The following PPP1R9A variants were observed in gnomAD, a reference collection of about 807,000 sequenced individuals.
The protein encoded by PPP1R9A is protein phosphatase 1 regulatory subunit 9A.
PPP1R9A carries 59 observed loss-of-function variants against 141.9 expected under a neutral mutation model. That is an observed-to-expected ratio of 0.42 (90% CI 0.34 to 0.52). The LOEUF (loss-of-function observed/expected upper bound fraction) is 0.52, where lower values mean the gene tolerates loss of function less well. PPP1R9A is among the 20% of genes least tolerant of loss of function. The probability of loss-of-function intolerance (pLI) is 0.10; values close to 1 mark genes in which losing one functional copy is unlikely to be tolerated. For missense variants in PPP1R9A, 1,444 were observed against 1,611.9 expected (o/e 0.90, Z 1.78); for synonymous variants, 500 against 569.7 (o/e 0.88, Z 1.74).
intron 2 of PPP1R9A, among the ~76,000 whole-genome samples, chr7:94,988,594 A>G (rs1385105066): frequency 6.6e-6 from 1 of 152,068 alleles, no homozygotes; most frequent in East Asian, 1.9e-4. Flanking sequence ...TTATGTAGGT[A>G]TTTACTTCTG....
chr7:94,982,749 C>T (rs543619349), intron 2 of PPP1R9A, among the ~76,000 whole-genome samples: 1 of 152,062 alleles, frequency 6.6e-6, no homozygotes, highest in Non-Finnish European at 1.5e-5. Flanking sequence ...GAGTAGATTG[C>T]AAAAATTTTC....
intron 18 of PPP1R9A, chr7:95,287,049 G>A: frequency 6.6e-7 from 1 of 1,519,494 alleles, no homozygotes; most frequent in Admixed American, 1.7e-5. Context: ...TACTATATAT[G>A]TTGTGTCTCC....
intron 2 of PPP1R9A, among the ~76,000 whole-genome samples, chr7:94,948,980 C>G (rs1796177643): frequency 6.6e-6 from 1 of 152,124 alleles, no homozygotes; most frequent in Non-Finnish European, 1.5e-5. Context: ...ACATTCTGGT[C>G]CAAGCATGGC....
intron 2 of PPP1R9A, among the ~76,000 whole-genome samples, chr7:95,087,081 A>G (rs1372071007): frequency 6.7e-6 from 1 of 150,066 alleles, no homozygotes. Flanking sequence ...GAGAAAGCCA[A>G]AAGCATAAGG....
At chr7:95,060,776 G>A (rs1339215685) in intron 2 of PPP1R9A, among the ~76,000 whole-genome samples, 1 of 152,120 alleles carries the variant, frequency 6.6e-6, no homozygotes, top group African/African-American at 2.4e-5. Flanking sequence ...TTGGCTATAG[G>A]GATTTATATT....
intron 2 of PPP1R9A, among the ~76,000 whole-genome samples, chr7:94,919,301 ATTTTTTTTTTTT>A (rs757456894): frequency 9.4e-6 from 1 of 106,200 alleles, no homozygotes; most frequent in Non-Finnish European, 1.9e-5. Flanking sequence ...GGATAATTAC[ATTTTTTTTTTTT>A]TTTTTTTTTT....
intron 2 of PPP1R9A, among the ~76,000 whole-genome samples, chr7:94,950,724 A>G (rs952696898): frequency 6.6e-6 from 1 of 152,056 alleles, no homozygotes; most frequent in East Asian, 1.9e-4. Flanking sequence ...CTTTTTGTCC[A>G]TGAATTAAAA....
intron 4 of PPP1R9A, among the ~76,000 whole-genome samples, chr7:95,123,824 T>A (rs1823064590): frequency 6.6e-6 from 1 of 152,232 alleles, no homozygotes; most frequent in Non-Finnish European, 1.5e-5. Flanking sequence ...TAAGTTTGTG[T>A]GAATAACCTT....
At chr7:95,015,976 C>T (rs1361716505) in intron 2 of PPP1R9A, among the ~76,000 whole-genome samples, 5 of 152,058 alleles carry the variant, frequency 3.3e-5, no homozygotes, top group Non-Finnish European at 7.3e-5. Context: ...TCTTTTGAAC[C>T]TAGGAGTTCA....
intron 5 of PPP1R9A, among the ~76,000 whole-genome samples, chr7:95,165,995 C>A (rs1357002775): frequency 6.6e-6 from 1 of 151,472 alleles, no homozygotes; most frequent in East Asian, 1.9e-4. Flanking sequence ...TAAAAATATA[C>A]AAAATTAGCC....
intron 2 of PPP1R9A, among the ~76,000 whole-genome samples, chr7:94,983,959 C>T (rs1800464206): frequency 6.6e-6 from 1 of 152,092 alleles, no homozygotes; most frequent in East Asian, 1.9e-4. Flanking sequence ...ATGATACTGG[C>T]TGTGGGTTTG....
chr7:94,973,934 C>T (rs1397820603), intron 2 of PPP1R9A, among the ~76,000 whole-genome samples: 1 of 152,056 alleles, frequency 6.6e-6, no homozygotes, highest in Non-Finnish European at 1.5e-5. Flanking sequence ...CTAGGCTGGT[C>T]TCAGACTACT....
At position 94,940,866 on chromosome 7, in the gene PPP1R9A, G is replaced by A. The variant is rs190119876; in HGVS notation, c.1395+29358G>A. Among the ~76,000 whole-genome samples, 27 of 152,174 alleles carry A rather than the reference G, an allele frequency of 1.8e-4. 1 individual carries two copies. The highest frequency in any genetic ancestry group is 1.6e-3 in the Admixed American group (24 of 15,264). ...ACTTAAAAAATAAGTTAGGACACTG[G>A]AAGTCTTAGGGAATTAATTCTGCCA... On this transcript the variant is annotated intron_variant, in intron 2 of 19. Coordinates refer to ENST00000433360, the MANE Select transcript of PPP1R9A (RefSeq NM_001166160.2).
At chr7:94,987,566 A>G (rs1240250865) in intron 2 of PPP1R9A, among the ~76,000 whole-genome samples, 1 of 152,114 alleles carries the variant, frequency 6.6e-6, no homozygotes, top group African/African-American at 2.4e-5. Flanking sequence ...AAACTAGTGA[A>G]CAGTCACATA....
intron 2 of PPP1R9A, among the ~76,000 whole-genome samples, chr7:94,984,798 A>AT (rs1449316116): frequency 6.6e-6 from 1 of 151,676 alleles, no homozygotes; most frequent in Non-Finnish European, 1.5e-5. Context: ...GGATTCATTG[A>AT]TTTTTTTGAA....
chr7:95,104,166 A>G (rs1819195581), intron 2 of PPP1R9A, among the ~76,000 whole-genome samples: 1 of 152,234 alleles, frequency 6.6e-6, no homozygotes, highest in Non-Finnish European at 1.5e-5. Context: ...TTATGTAACT[A>G]GACTTTGGGT....
intron 2 of PPP1R9A, among the ~76,000 whole-genome samples, chr7:95,059,727 G>T (rs1170518270): frequency 6.6e-6 from 1 of 152,128 alleles, no homozygotes; most frequent in African/African-American, 2.4e-5. Flanking sequence ...TGATATATTA[G>T]TCCCTATAAA....
chr7:95,106,303 T>C (rs1819506285), intron 2 of PPP1R9A, among the ~76,000 whole-genome samples: 3 of 152,184 alleles, frequency 2.0e-5, no homozygotes, highest in Admixed American at 2.0e-4. Flanking sequence ...ATAAGGAGAC[T>C]GCGCCTTAGC....
At chr7:95,103,002 G>C (rs1411892262) in intron 2 of PPP1R9A, among the ~76,000 whole-genome samples, 1 of 152,078 alleles carries the variant, frequency 6.6e-6, no homozygotes, top group Non-Finnish European at 1.5e-5. Flanking sequence ...ACGTGGATTG[G>C]CCTCATCAAA....
Sources: allele counts gnomAD v4.1 joint callset (sites outside exome capture counted in the v4.1 genomes callset), GRCh38; gene constraint gnomAD v4.1.1; transcripts MANE v1.5; gene names NCBI Gene and HGNC (gene_info 2026-07-23, HGNC 2026-07-21).